TNRC6A: variants seen among roughly 807,000 people sequenced by gnomAD.
The protein encoded by TNRC6A is trinucleotide repeat containing adaptor 6A.
Under a neutral mutation model 221.2 loss-of-function variants are expected in TNRC6A, and 44 were observed. The observed-to-expected ratio is 0.20, with a 90% CI of 0.16 to 0.26. The LOEUF (loss-of-function observed/expected upper bound fraction) is 0.26. Among genes scored for constraint, TNRC6A ranks in the 10% least tolerant of loss-of-function variants. The pLI is 1.00. For missense variants in TNRC6A, 2,199 were observed against 2,404.4 expected (o/e 0.91, Z 1.79); for synonymous variants, 847 against 838.5 (o/e 1.01, Z -0.18).
At chr16:24,794,399 C>A in intron 7 of TNRC6A, 145 bp from the exon 8 acceptor site, 1 of 700,962 alleles carries the variant, frequency 1.4e-6, no homozygotes, top group Non-Finnish European at 2.2e-6. Flanking sequence ...ACATACTTTC[C>A]TTCTGTGCAG....
chr16:24,807,243 G>A (rs986685246), intron 17 of TNRC6A, among the ~76,000 whole-genome samples: 1 of 152,186 alleles, frequency 6.6e-6, no homozygotes, highest in African/African-American at 2.4e-5. Context: ...GACCTCAGGT[G>A]ATCTGCCTGC....
rs538490047 is a variant in TNRC6A at position 24,820,838 on chromosome 16, A to G, written c.5302+478A>G. Among the ~76,000 whole-genome samples, 396 of 152,348 alleles carry G rather than the reference A, an allele frequency of 2.6e-3. 2 individuals carry two copies. Among genetic ancestry groups the G allele is most frequent in the African/African-American group, 7.4e-3 (309 of 41,580 alleles). On this transcript the variant is annotated intron_variant, in intron 22 of 24. Transcript: ENST00000395799. The stretch of plus-strand genomic sequence containing the variant: ...TGGTTCCTCTGCCTTTCCTCATTCT[A>G]TAATGACTAACATTGGATTTGTACT...
At chr16:24,724,899 G>T (rs372318578), upstream of TNRC6A, among the ~76,000 whole-genome samples, 2 of 152,076 alleles carry the variant, frequency 1.3e-5, no homozygotes, top group East Asian at 3.8e-4. Flanking sequence ...GTTTGGTAAA[G>T]CCTTGGGAGG....
intron 2 of TNRC6A, among the ~76,000 whole-genome samples, chr16:24,743,516 G>C (rs1035308387): frequency 7.2e-5 from 11 of 151,748 alleles, no homozygotes; most frequent in African/African-American, 2.7e-4. Flanking sequence ...GTAGAGACAG[G>C]GTTTTGCCAT....
At position 24,611,590 on chromosome 16, in the gene TNRC6A, G is replaced by A. The variant is rs72785739; in HGVS notation, n.276+1106G>A. Among the ~76,000 whole-genome samples, 993 of 152,306 alleles carry A rather than the reference G, an allele frequency of 6.5e-3. 11 individuals carry two copies. The highest frequency in any genetic ancestry group is 0.027 in the South Asian group (128 of 4,826). On this transcript the variant is annotated intron_variant and non_coding_transcript_variant, in intron 1 of 2. Transcript: ENST00000566108. ...CTAGTGCTGGATGCGCTCGGGCATC[G>A]AGAGGCATCTCGTAGAGCTGGCTCC...
intron 2 of TNRC6A, among the ~76,000 whole-genome samples, chr16:24,676,371 A>C (rs943340304): frequency 4.6e-5 from 7 of 152,126 alleles, no homozygotes; most frequent in Non-Finnish European, 8.8e-5. Flanking sequence ...CTCTTGGCTC[A>C]CTGCAACCTC....
In TNRC6A at chr16:24,795,953, T is replaced by A. The variant is rs1039246496; in HGVS notation, c.3561+14T>A. On this transcript the variant is annotated intron_variant, in intron 9 of 24. Coordinates refer to ENST00000395799, the MANE Select transcript of TNRC6A (RefSeq NM_014494.4). ...AGAAGGGAAAGGGTGTGTAGCCTTT[T>A]TACTCTTTCTCCTTTGTTTCTACTA... 6.2e-7 allele frequency: 1 copy of A among 1,613,280 alleles called. No individual in the cohort carries two copies. Among genetic ancestry groups the A allele is most frequent in the Non-Finnish European group, 8.5e-7 (1 of 1,179,360 alleles).
At chr16:24,805,193 A>C (rs2058405648) in intron 14 of TNRC6A, 42 bp downstream of exon 14, 3 of 1,604,102 alleles carry the variant, frequency 1.9e-6, no homozygotes, top group Non-Finnish European at 2.6e-6. Flanking sequence ...ACCTGCAAAA[A>C]GGATCTTGCA....
chr16:24,817,396 T>G (rs1023678746), intron 20 of TNRC6A, among the ~76,000 whole-genome samples: 3 of 152,342 alleles, frequency 2.0e-5, no homozygotes, highest in Admixed American at 2.0e-4. Context: ...AAATGGGTGT[T>G]TCTTGTAAAA....
At chr16:24,741,162 T>C (rs1415300397) in intron 2 of TNRC6A, among the ~76,000 whole-genome samples, 2 of 152,228 alleles carry the variant, frequency 1.3e-5, no homozygotes, top group Non-Finnish European at 2.9e-5. Context: ...ACTCTCTTTT[T>C]TCTGACTGGA....
At chr16:24,673,480 A>G (rs1456484954) in intron 2 of TNRC6A, among the ~76,000 whole-genome samples, 4 of 152,228 alleles carry the variant, frequency 2.6e-5, no homozygotes, top group African/African-American at 9.6e-5. Context: ...AAGATAAGGA[A>G]GTAGATTCTG....
chr16:24,676,462 G>T (rs1468259899), intron 2 of TNRC6A, among the ~76,000 whole-genome samples: 1 of 151,398 alleles, frequency 6.6e-6, no homozygotes, highest in African/African-American at 2.4e-5. Flanking sequence ...ATGCCCAGCT[G>T]ATTTTATTTT....
intron 2 of TNRC6A, among the ~76,000 whole-genome samples, chr16:24,723,573 GA>G (rs2056446580): frequency 1.5e-5 from 2 of 131,054 alleles, no homozygotes; most frequent in Non-Finnish European, 3.2e-5. Context: ...CAGACTGGGT[GA>G]CAGAGCAAGA....
intron 2 of TNRC6A, among the ~76,000 whole-genome samples, chr16:24,684,220 G>A (rs1257915333): frequency 1.3e-5 from 2 of 151,958 alleles, no homozygotes; most frequent in African/African-American, 4.8e-5. Flanking sequence ...GCAACACAAT[G>A]AGACCTCAAC....
chr16:24,632,870 G>A (rs934498403), intron 1 of TNRC6A, among the ~76,000 whole-genome samples: 2 of 152,054 alleles, frequency 1.3e-5, no homozygotes, highest in Admixed American at 6.6e-5. Context: ...TTAGCTGGGT[G>A]CGGTGGTGCA....
intron 1 of TNRC6A, among the ~76,000 whole-genome samples, chr16:24,617,366 T>C (rs905039725): frequency 4.6e-5 from 7 of 152,062 alleles, no homozygotes; most frequent in African/African-American, 1.7e-4. Flanking sequence ...TGGGCAATCC[T>C]CCCACCTCAA....
intron 3 of TNRC6A, among the ~76,000 whole-genome samples, chr16:24,752,151 A>G (rs1430398056): frequency 6.6e-6 from 1 of 152,050 alleles, no homozygotes; most frequent in Non-Finnish European, 1.5e-5. Flanking sequence ...AAAATTGTGG[A>G]ATTGGTTTAG....
At chr16:24,807,553 C>CT (rs1317237272) in intron 17 of TNRC6A, among the ~76,000 whole-genome samples, 5 of 152,112 alleles carry the variant, frequency 3.3e-5, no homozygotes, top group African/African-American at 1.2e-4. Flanking sequence ...TAACTACTGT[C>CT]TAACTATGTA....
intron 9 of TNRC6A, chr16:24,796,345 C>T (rs2058218727): frequency 5.9e-6 from 1 of 169,148 alleles, no homozygotes; most frequent in African/African-American, 2.4e-5. Flanking sequence ...TAGAAAACAA[C>T]ATCAGTGGGG....
Sources: gnomAD v4.1 joint callset for allele counts (sites outside exome capture counted in the v4.1 genomes callset) on GRCh38, gnomAD v4.1.1 for gene constraint, MANE v1.5 for transcripts, NCBI Gene and HGNC (gene_info 2026-07-23, HGNC 2026-07-21) for gene names.